TIAM1: variants seen among roughly 807,000 people sequenced by gnomAD.
The protein encoded by TIAM1 is rho guanine nucleotide exchange factor TIAM1.
TIAM1 carries 65 observed loss-of-function variants against 163.5 expected under a neutral mutation model. That is an observed-to-expected ratio of 0.40 (90% CI 0.33 to 0.49). The LOEUF (loss-of-function observed/expected upper bound fraction) is 0.49, where lower values mean the gene tolerates loss of function less well. TIAM1 is among the 20% of genes least tolerant of loss of function. TIAM1 has a pLI of 0.77. For synonymous variants in TIAM1, 833 were observed against 810.1 expected (o/e 1.03, Z -0.48); for missense variants, 1,789 against 2,044.7 (o/e 0.87, Z 2.41).
At chr21:31,150,610 C>G (rs1470498589) in intron 19 of TIAM1, among the ~76,000 whole-genome samples, 2 of 152,024 alleles carry the variant, frequency 1.3e-5, no homozygotes, top group East Asian at 3.9e-4. Flanking sequence ...AAATGTAAAA[C>G]TATAAAACTT....
At chr21:31,189,771 G>A (rs2085467430) in intron 13 of TIAM1, among the ~76,000 whole-genome samples, 1 of 151,848 alleles carries the variant, frequency 6.6e-6, no homozygotes, top group Non-Finnish European at 1.5e-5. Flanking sequence ...TGCACACTGG[G>A]GGAAAACCTT....
At chr21:31,558,140 G>A (rs2048952598) in intron 1 of TIAM1, among the ~76,000 whole-genome samples, 1 of 150,430 alleles carries the variant, frequency 6.6e-6, no homozygotes, top group South Asian at 2.1e-4. Context: ...AAACAAAAGC[G>A]GGCCCCACGC....
At chr21:31,198,107 C>T (rs1303071467) in intron 12 of TIAM1, among the ~76,000 whole-genome samples, 1 of 152,178 alleles carries the variant, frequency 6.6e-6, no homozygotes, top group East Asian at 1.9e-4. Flanking sequence ...AGGTCAATAA[C>T]AAAAAACGTG....
In TIAM1 at chr21:31,451,758, TGTGA is replaced by T. The variant is rs1278561187; in HGVS notation, c.-369+12221_-369+12224del. ...GTGTGTGTGTGTGTGTGTGTGTGTGTGTGAGACACAGAGAGAGAGAGAGAGAGAG... is the reference window on the plus strand; with the variant it reads ...GTGTGTGTGTGTGTGTGTGTGTGTGTGACACAGAGAGAGAGAGAGAGAGAG... On this transcript the variant is annotated intron_variant, in intron 2 of 28. Coordinates refer to the TIAM1 transcript ENST00000286827. Among the ~76,000 whole-genome samples, 239 of 111,526 alleles carry T rather than the reference TGTGA, an allele frequency of 2.1e-3. 5 individuals are homozygous for T. The highest frequency in any genetic ancestry group is 4.8e-3 in the African/African-American group (133 of 27,914). The allele number at this position is 111,526 out of a possible 152,430, so 73.2% of individuals were successfully genotyped here.
chr21:31,275,867 A>G (rs926282225), intron 3 of TIAM1, among the ~76,000 whole-genome samples: 6 of 152,216 alleles, frequency 3.9e-5, no homozygotes, highest in African/African-American at 1.2e-4. Flanking sequence ...TCTGACCATA[A>G]GGCATTTAAT....
intron 2 of TIAM1, among the ~76,000 whole-genome samples, chr21:31,396,276 G>A (rs969759323): frequency 6.6e-6 from 1 of 152,118 alleles, no homozygotes; most frequent in African/African-American, 2.4e-5. Flanking sequence ...CTCGGCGCCT[G>A]CCCCATTCCT....
chr21:31,213,334 G>C (rs1807985490), intron 10 of TIAM1, 64 bp downstream of exon 10: 2 of 1,413,126 alleles, frequency 1.4e-6, no homozygotes, highest in African/African-American at 2.9e-5. Context: ...AGACAACACT[G>C]CACCATGTAT....
chr21:31,222,640 T>G (rs575186452), intron 8 of TIAM1, among the ~76,000 whole-genome samples: 14 of 147,590 alleles, frequency 9.5e-5, no homozygotes, highest in African/African-American at 3.2e-4. Context: ...TATGTGTGTA[T>G]GTATGTGTGT....
At chr21:31,130,095 G>GAAAAA in intron 25 of TIAM1, 118 bp downstream of exon 25, 7 of 574,026 alleles carry the variant, frequency 1.2e-5, no homozygotes, top group Admixed American at 6.7e-5. Flanking sequence ...TTAAGCATAG[G>GAAAAA]GAAAAAAAAA....
At chr21:31,254,078 T>G (rs1174811921) in intron 4 of TIAM1, among the ~76,000 whole-genome samples, 1 of 152,178 alleles carries the variant, frequency 6.6e-6, no homozygotes, top group Non-Finnish European at 1.5e-5. Context: ...GCTATTAAGC[T>G]CTCTCTAAAA....
chr21:31,328,370 ATATTT>A (rs1277614187), intron 2 of TIAM1, among the ~76,000 whole-genome samples: 3 of 151,950 alleles, frequency 2.0e-5, no homozygotes, highest in Admixed American at 6.6e-5. Flanking sequence ...TAACACGTAC[ATATTT>A]TATTTTATTT....
At chr21:31,410,815 T>C (rs933914561) in intron 2 of TIAM1, among the ~76,000 whole-genome samples, 7 of 152,110 alleles carry the variant, frequency 4.6e-5, no homozygotes, top group African/African-American at 1.7e-4. Context: ...CCAGTCAACG[T>C]GAGTCCTCCC....
chr21:31,240,105 G>T (rs1277535633), intron 6 of TIAM1, among the ~76,000 whole-genome samples: 1 of 152,108 alleles, frequency 6.6e-6, no homozygotes, highest in East Asian at 1.9e-4. Flanking sequence ...GTTGCTATAT[G>T]TCCCAGTTGG....
At chr21:31,526,203 A>C (rs1447044718) in intron 1 of TIAM1, among the ~76,000 whole-genome samples, 1 of 152,174 alleles carries the variant, frequency 6.6e-6, no homozygotes, top group Non-Finnish European at 1.5e-5. Flanking sequence ...ATGAGTAAGC[A>C]AACAGGATGA....
intron 2 of TIAM1, among the ~76,000 whole-genome samples, chr21:31,311,000 T>G (rs73193738): frequency 0.047 from 7,119 of 152,166 alleles, 228 homozygotes; most frequent in Middle Eastern, 0.14. Context: ...GAAAATAGAG[T>G]GCAAACTTGT....
intron 1 of TIAM1, among the ~76,000 whole-genome samples, chr21:31,537,771 G>T (rs1354158221): frequency 6.6e-6 from 1 of 151,890 alleles, no homozygotes; most frequent in South Asian, 2.1e-4. Context: ...AAAAAAGAGA[G>T]AAAAGTATTA....
At chr21:31,131,030 C>A (rs935924979) in intron 23 of TIAM1, 82 bp from the exon 24 acceptor site, 1 of 1,172,640 alleles carries the variant, frequency 8.5e-7, no homozygotes, top group Non-Finnish European at 1.3e-6. Flanking sequence ...TGGTAATAAA[C>A]ACTACAGTTA....
intron 2 of TIAM1, among the ~76,000 whole-genome samples, chr21:31,353,696 AAAT>A (rs529468636): frequency 4.6e-5 from 7 of 152,198 alleles, no homozygotes; most frequent in East Asian, 1.9e-4. Flanking sequence ...GGCAGGTCTA[AAAT>A]TCTAACCTAG....
chr21:31,465,218 T>G (rs550520696), intron 1 of TIAM1, among the ~76,000 whole-genome samples: 2 of 152,000 alleles, frequency 1.3e-5, no homozygotes, highest in East Asian at 3.9e-4. Flanking sequence ...AAAAAAATTT[T>G]TCTTTTCAAA....
Sources: allele counts gnomAD v4.1 joint callset (sites outside exome capture counted in the v4.1 genomes callset), GRCh38; gene constraint gnomAD v4.1.1; transcripts MANE v1.5; gene names NCBI Gene and HGNC (gene_info 2026-07-23, HGNC 2026-07-21).